BMPR2: variants seen among roughly 807,000 people sequenced by gnomAD.
The protein encoded by BMPR2 is bone morphogenetic protein receptor type-2.
BMPR2 carries 29 observed loss-of-function variants against 100.8 expected under a neutral mutation model. The observed-to-expected ratio is 0.29, with a 90% CI of 0.21 to 0.39. The LOEUF is 0.39. BMPR2 is among the 10% of genes least tolerant of loss of function. BMPR2 has a pLI of 1.00. For missense variants in BMPR2, 1,011 were observed against 1,274.5 expected (o/e 0.79, Z 3.15); for synonymous variants, 382 against 442.3 (o/e 0.86, Z 1.71).
intron 3 of BMPR2, among the ~76,000 whole-genome samples, chr2:202,488,655 G>A (rs1410847905): frequency 6.6e-6 from 1 of 151,964 alleles, no homozygotes; most frequent in Non-Finnish European, 1.5e-5. Flanking sequence ...ATGGTCTCAA[G>A]CTCCTGGCTT....
chr2:202,449,597 A>G (rs1043976018), intron 1 of BMPR2, among the ~76,000 whole-genome samples: 3 of 152,176 alleles, frequency 2.0e-5, no homozygotes, highest in Non-Finnish European at 4.4e-5. Context: ...CCATGACCCA[A>G]TAAAAACTTT....
rs1693097849 is a variant in BMPR2, at chr2:202,498,747, C to G, written c.419-14972C>G. Reference sequence around the variant, plus strand: ...CGGCTCATTTTTTTCTGCACTACGGCTTGGCCCCAATATTCTCTTTCTGAT... The same window carrying G: ...CGGCTCATTTTTTTCTGCACTACGGGTTGGCCCCAATATTCTCTTTCTGAT... On this transcript the variant is annotated intron_variant, in intron 3 of 12. Coordinates refer to ENST00000374580, the MANE Select transcript of BMPR2 (RefSeq NM_001204.7). Among the ~76,000 whole-genome samples, 3 of 152,262 alleles carry G rather than the reference C, an allele frequency of 2.0e-5. No homozygotes were observed. In the South Asian group the frequency reaches 6.2e-4, roughly 32 times the overall value.
rs1687653057 is a variant in BMPR2 at position 202,513,069 on chromosome 2, ATCC to A, written c.419-645_419-643del. Among the ~76,000 whole-genome samples, 3 of 151,974 alleles carry A rather than the reference ATCC, an allele frequency of 2.0e-5. No homozygotes were observed. The South Asian group carries it at 6.3e-4, about 32-fold the overall frequency. On this transcript the variant is annotated intron_variant, in intron 3 of 12. Transcript: ENST00000374580. ...AGCCTCAAACTCCTGGGCCCAAGCA[ATCC>A]TCCTGCCATAGCCCCCTGAGTAGCT...
intron 1 of BMPR2, among the ~76,000 whole-genome samples, chr2:202,448,262 A>G (rs1322640509): frequency 1.3e-5 from 2 of 151,096 alleles, no homozygotes; most frequent in African/African-American, 4.9e-5. Flanking sequence ...ATCCTGGCTA[A>G]CATGGTGAAA....
rs1690179276 is a variant in BMPR2 at position 202,377,629 on chromosome 2, G to A, written c.76+79G>A. On this transcript the variant is annotated intron_variant, in intron 1 of 12. Coordinates refer to ENST00000374580, the MANE Select transcript of BMPR2 (RefSeq NM_001204.7). ...AGGGAGCCCGCAGAGGCCGAGGCCT[G>A]TGCTTGCCCTTCGCCATGCGTCCCC... 20 of 1,515,116 alleles carry A rather than the reference G, an allele frequency of 1.3e-5. No individual in the cohort carries two copies. In the East Asian group the frequency reaches 4.5e-4, roughly 34 times the overall value. 93.9% of individuals were successfully genotyped at this position (1,515,116 alleles called of 1,614,324 possible). A position where few individuals can be genotyped will look rare whatever the true frequency, so the allele number is the denominator to read the frequency against.
rs1161944548 is a variant in BMPR2, at chr2:202,385,361, CTTTTTTTTTTT to C, written c.76+7823_76+7833del. 2.4e-3 allele frequency among the ~76,000 whole-genome samples: 207 copies of C among 86,326 alleles called. 1 individual carries two copies. Among genetic ancestry groups the C allele is most frequent in the Non-Finnish European group, 3.6e-3 (164 of 45,596 alleles). The allele number at this position is 86,326 out of a possible 152,430, so 56.6% of individuals were successfully genotyped here. ...TTTTCTTCTAATTAAAAAAAAGATG[CTTTTTTTTTTT>C]TTTTTTTTTTTGAGACGGAGTCTCG... On this transcript the variant is annotated intron_variant, in intron 1 of 12. Transcript: ENST00000374580.
chr2:202,499,424 A>G (rs1163776440), intron 3 of BMPR2, among the ~76,000 whole-genome samples: 3 of 152,220 alleles, frequency 2.0e-5, no homozygotes, highest in Non-Finnish European at 2.9e-5. Context: ...CATCCCCATT[A>G]TGGATCCCCA....
At chr2:202,550,916 T>A (rs1688464681) in intron 10 of BMPR2, among the ~76,000 whole-genome samples, 1 of 150,050 alleles carries the variant, frequency 6.7e-6, no homozygotes, top group South Asian at 2.1e-4. Flanking sequence ...TTTGAGGGAC[T>A]CCCTTTAACA....
intron 2 of BMPR2, 122 bp from the exon 3 acceptor site, chr2:202,467,397 C>T: frequency 1.2e-6 from 1 of 869,300 alleles, no homozygotes; most frequent in Admixed American, 2.2e-5. Flanking sequence ...TGTTGATTTG[C>T]AAAACTGTTT....
At chr2:202,544,761 CTTTTTTTTTTT>C (rs56654364) in intron 10 of BMPR2, among the ~76,000 whole-genome samples, 5 of 82,726 alleles carry the variant, frequency 6.0e-5, no homozygotes, top group African/African-American at 2.5e-4. Flanking sequence ...CTTTTTCTTT[CTTTTTTTTTTT>C]TTTTTTTTTT....
At chr2:202,535,911 C>G (rs956793671) in intron 9 of BMPR2, among the ~76,000 whole-genome samples, 1 of 152,188 alleles carries the variant, frequency 6.6e-6, no homozygotes, top group African/African-American at 2.4e-5. Flanking sequence ...AGCGAAACCC[C>G]GTCTCCACCA....
intron 9 of BMPR2, among the ~76,000 whole-genome samples, chr2:202,534,373 G>T (rs943304699): frequency 2.2e-4 from 33 of 151,748 alleles, no homozygotes; most frequent in African/African-American, 7.7e-4. Flanking sequence ...AGTGAACAAA[G>T]GTCTCTGGTT....
chr2:202,488,343 A>G (rs1196264781), intron 3 of BMPR2, among the ~76,000 whole-genome samples: 1 of 152,198 alleles, frequency 6.6e-6, no homozygotes, highest in Non-Finnish European at 1.5e-5. Context: ...GTGTGAGTTC[A>G]GGTGTTTATA....
rs1356225826 is a variant in BMPR2, at chr2:202,552,903, G to T, written c.1586+15G>T. On this transcript the variant is annotated intron_variant, in intron 11 of 12. Coordinates refer to ENST00000374580, the MANE Select transcript of BMPR2 (RefSeq NM_001204.7). ...CAGAATGAACGGTAAGACCCTAAGG[G>T]GTGTGGCATCTATCAATCAGTATTA... The T allele has an allele frequency of 2.5e-6, 4 of 1,614,020 alleles. No individual in the cohort carries two copies. The highest frequency in any genetic ancestry group is 1.1e-5 in the South Asian group (1 of 91,068).
At chr2:202,476,154 T>G (rs2105969484) in intron 3 of BMPR2, among the ~76,000 whole-genome samples, 1 of 149,590 alleles carries the variant, frequency 6.7e-6, no homozygotes, top group East Asian at 2.0e-4. Context: ...GTTTAATAAA[T>G]ATCTTCTGAA....
chr2:202,479,990 T>C (rs1692628165), intron 3 of BMPR2, among the ~76,000 whole-genome samples: 1 of 152,144 alleles, frequency 6.6e-6, no homozygotes, highest in Non-Finnish European at 1.5e-5. Flanking sequence ...AAAGTTCTTT[T>C]TACATAGTAG....
At chr2:202,484,381 G>A (rs1692727789) in intron 3 of BMPR2, among the ~76,000 whole-genome samples, 1 of 140,822 alleles carries the variant, frequency 7.1e-6, no homozygotes, top group Admixed American at 7.0e-5. Context: ...CCTTCCTTCC[G>A]AAAAAAAATA....
intron 7 of BMPR2, chr2:202,520,600 G>A (rs953803075): frequency 1.5e-5 from 4 of 258,516 alleles, no homozygotes; most frequent in Non-Finnish European, 3.0e-5. Context: ...ACCATTTATG[G>A]GTCCCCAGCC....
In BMPR2 at chr2:202,503,280, C is replaced by T. The variant is rs552671358; in HGVS notation, c.419-10439C>T. On this transcript the variant is annotated intron_variant, in intron 3 of 12. Transcript: ENST00000374580. The surrounding 1 kb of genome is among the most constrained non-coding windows in gnomAD (Gnocchi z 4.0). The stretch of plus-strand genomic sequence containing the variant: ...GCCTCTGCCTGGGCTCCCACTTTGG[C>T]GGCACTTGAGGAGCCCTTCAGCCCA... Among the ~76,000 whole-genome samples, 25 of 152,354 alleles carry T rather than the reference C, an allele frequency of 1.6e-4. No individual in the cohort carries two copies. Among genetic ancestry groups the T allele is most frequent in the East Asian group, 3.9e-4 (2 of 5,172 alleles).
Sources: gnomAD v4.1 joint callset for allele counts (sites outside exome capture counted in the v4.1 genomes callset) on GRCh38, gnomAD v4.1.1 for gene constraint, Gnocchi (gnomAD v3.1) non-coding constraint, MANE v1.5 for transcripts, NCBI Gene and HGNC (gene_info 2026-07-23, HGNC 2026-07-21) for gene names.